EPB41L5: variants seen among roughly 807,000 people sequenced by gnomAD.
The protein encoded by EPB41L5 is band 4.1-like protein 5.
A neutral mutation model predicts 106.6 loss-of-function variants in EPB41L5; 55 were observed. The observed-to-expected ratio is 0.52, with a 90% CI of 0.42 to 0.65. The LOEUF (loss-of-function observed/expected upper bound fraction) is 0.65, where lower values mean the gene tolerates loss of function less well. EPB41L5 is among the 30% of genes least tolerant of loss of function. The pLI is 0.00. For synonymous variants in EPB41L5, 297 were observed against 306.7 expected (o/e 0.97, Z 0.33); for missense variants, 871 against 882.1 (o/e 0.99, Z 0.16).
At chr2:120,034,554 C>G (rs139486246) in intron 2 of EPB41L5, among the ~76,000 whole-genome samples, 1 of 152,076 alleles carries the variant, frequency 6.6e-6, no homozygotes, top group Non-Finnish European at 1.5e-5. Context: ...TTGCCATTAG[C>G]AAATTTTAGC....
intron 3 of EPB41L5, among the ~76,000 whole-genome samples, chr2:120,055,587 C>T (rs1680599354): frequency 7.1e-6 from 1 of 140,396 alleles, no homozygotes; most frequent in South Asian, 2.3e-4. Context: ...CTCCCGGGTT[C>T]ACGCCATTCT....
chr2:120,147,444 G>A (rs555013714), intron 20 of EPB41L5, among the ~76,000 whole-genome samples: 16 of 151,898 alleles, frequency 1.1e-4, no homozygotes, highest in Non-Finnish European at 1.9e-4. Context: ...TAGCCAACAT[G>A]GTGAAACCCG....
At chr2:120,019,522 C>CT (rs1677782836) in intron 2 of EPB41L5, among the ~76,000 whole-genome samples, 1 of 152,148 alleles carries the variant, frequency 6.6e-6, no homozygotes, top group Non-Finnish European at 1.5e-5. Context: ...TGGCATGAGT[C>CT]TGTTTCATGT....
intron 3 of EPB41L5, among the ~76,000 whole-genome samples, chr2:120,056,884 G>A (rs183545025): frequency 4.8e-4 from 73 of 152,002 alleles, no homozygotes; most frequent in Non-Finnish European, 8.4e-4. Flanking sequence ...CTTGTTACAG[G>A]TGTATTCAGA....
chr2:120,076,470 C>CA (rs1682244634), intron 7 of EPB41L5, among the ~76,000 whole-genome samples: 1 of 58,898 alleles, frequency 1.7e-5, no homozygotes. Flanking sequence ...AATTTTTGTA[C>CA]TTTTTTTTTT....
At chr2:120,159,614 G>T (rs534100923) in intron 20 of EPB41L5, among the ~76,000 whole-genome samples, 95 of 152,138 alleles carry the variant, frequency 6.2e-4, no homozygotes, top group African/African-American at 2.3e-3. Context: ...TAAGGAAAAA[G>T]AAGTAGCTGG....
chr2:120,146,842 C>T (rs1426118993), intron 20 of EPB41L5, among the ~76,000 whole-genome samples: 2 of 152,142 alleles, frequency 1.3e-5, no homozygotes, highest in East Asian at 3.8e-4. Context: ...AAATGTTGAG[C>T]AAATAAATGC....
chr2:120,084,639 T>G (rs755868090), intron 10 of EPB41L5, among the ~76,000 whole-genome samples: 2 of 152,298 alleles, frequency 1.3e-5, no homozygotes, highest in South Asian at 2.1e-4. Flanking sequence ...CTTTGTGGTG[T>G]TCTCTGTATT....
intron 16 of EPB41L5, among the ~76,000 whole-genome samples, chr2:120,122,025 TG>T (rs1298339643): frequency 2.6e-5 from 4 of 152,296 alleles, no homozygotes; most frequent in South Asian, 2.1e-4. Context: ...TTGATGGGGT[TG>T]TTTTTTTCTT....
At chr2:120,106,535 C>T (rs1269727142) in intron 16 of EPB41L5, 1 of 985,266 alleles carries the variant, frequency 1.0e-6, no homozygotes, top group Non-Finnish European at 1.2e-6. Flanking sequence ...GAAGTAATAA[C>T]CTCCAGAAGC....
rs146915802 is a variant in EPB41L5 at position 120,078,211 on chromosome 2, A to C, written c.715-282A>C. On this transcript the variant is annotated intron_variant, in intron 9 of 24. Coordinates refer to ENST00000263713, the MANE Select transcript of EPB41L5 (RefSeq NM_020909.4). ...AAGTGGTAAGTATAATATGGGAAGA[A>C]TGTGGAAACAGCTTTGTTTGTAGTG... Among the ~76,000 whole-genome samples, 399 of 152,324 alleles carry C rather than the reference A, an allele frequency of 2.6e-3. 2 individuals carry two copies. The highest frequency in any genetic ancestry group is 9.3e-3 in the African/African-American group (388 of 41,576).
At chr2:120,024,120 C>G (rs1678135972) in intron 2 of EPB41L5, among the ~76,000 whole-genome samples, 3 of 152,168 alleles carry the variant, frequency 2.0e-5, no homozygotes, top group African/African-American at 7.2e-5. Context: ...ATGTCATCTG[C>G]AAACAGAGGC....
At chr2:120,101,379 A>G (rs1684131050) in intron 16 of EPB41L5, among the ~76,000 whole-genome samples, 1 of 152,208 alleles carries the variant, frequency 6.6e-6, no homozygotes, top group African/African-American at 2.4e-5. Context: ...TTAATAGTAA[A>G]TATACAAATA....
intron 16 of EPB41L5, among the ~76,000 whole-genome samples, chr2:120,126,154 G>A (rs1249544075): frequency 6.6e-6 from 1 of 151,866 alleles, no homozygotes; most frequent in Non-Finnish European, 1.5e-5. Flanking sequence ...ATATATATAC[G>A]ATATTAACTT....
In EPB41L5 at chr2:120,160,913, C is replaced by G. The variant is rs767308933; in HGVS notation, c.1826C>G (p.Pro609Arg). 1.1e-5 allele frequency: 17 copies of G among 1,613,710 alleles called. No homozygotes were observed. The highest frequency in any genetic ancestry group is 1.4e-5 in the Non-Finnish European group (16 of 1,179,686). ...AVLNENNVPL[P>R]KESLETLMLI... ...TTAAATGAGAATAATGTGCCCCTCC[C>G]CAAAGAGTCTCTTGAGACTCTGATG... Residue 609 changes from proline to arginine, a missense_variant, in exon 21 of 25, where the codon CCC becomes CGC. Physicochemically the swap from Pro to Arg is moderately radical, Grantham distance 103. Coordinates refer to ENST00000263713, the MANE Select transcript of EPB41L5 (RefSeq NM_020909.4).
intron 16 of EPB41L5, among the ~76,000 whole-genome samples, chr2:120,116,267 A>G (rs1300179160): frequency 2.6e-5 from 4 of 152,198 alleles, no homozygotes; most frequent in Admixed American, 1.3e-4. Flanking sequence ...TGTGCATTGT[A>G]TGCCCATCAA....
At chr2:120,161,375 CA>C (rs11333759) in intron 21 of EPB41L5, among the ~76,000 whole-genome samples, 89,131 of 129,750 alleles carry the variant, frequency 0.69, 29,007 homozygotes, top group Middle Eastern at 0.71. Flanking sequence ...GAGACTGTCT[CA>C]AAAAAAAAAA....
intron 17 of EPB41L5, among the ~76,000 whole-genome samples, chr2:120,130,095 G>A (rs1354868935): frequency 5.5e-5 from 8 of 144,688 alleles, no homozygotes; most frequent in African/African-American, 2.0e-4. Flanking sequence ...GCAGTGAGCC[G>A]AGATGGCACC....
chr2:120,146,413 T>C (rs1574753866), intron 20 of EPB41L5, 124 bp downstream of exon 20: 5 of 663,964 alleles, frequency 7.5e-6, no homozygotes, highest in South Asian at 3.8e-5. Context: ...ATTCACTCTA[T>C]TGTATCCATT....
Sources: allele counts gnomAD v4.1 joint callset (sites outside exome capture counted in the v4.1 genomes callset), GRCh38; gene constraint gnomAD v4.1.1; transcripts MANE v1.5; gene names NCBI Gene and HGNC (gene_info 2026-07-23, HGNC 2026-07-21).